The following SLC16A10 variants were observed in gnomAD, a reference collection of about 807,000 sequenced individuals.
SLC16A10 encodes the protein solute carrier family 16 member 10, also known as monocarboxylate transporter 10.
A neutral mutation model predicts 40.0 loss-of-function variants in SLC16A10; 27 were observed. The ratio of observed to expected loss-of-function variants is 0.67; its 90% CI spans 0.50 to 0.93. The LOEUF (loss-of-function observed/expected upper bound fraction) is 0.93. Ranked by LOEUF, SLC16A10 falls within the 40% of genes least tolerant of loss-of-function variation. The pLI, the probability that SLC16A10 is intolerant of heterozygous loss-of-function variation, is 0.00. For synonymous variants in SLC16A10, 213 were observed against 249.8 expected, an observed-to-expected ratio of 0.85 and a Z score of 1.39; for missense variants, 529 against 658.2, an observed-to-expected ratio of 0.80 and a Z score of 2.15.
intron 4 of SLC16A10, among the ~76,000 whole-genome samples, chr6:111,209,120 C>G (rs956926981): frequency 6.6e-6 from 1 of 151,938 alleles, no homozygotes; most frequent in African/African-American, 2.4e-5. Context: ...GGTGGGAGGA[C>G]TTTGAGCCTA....
At chr6:111,099,039 G>A (rs1771126195) in intron 1 of SLC16A10, among the ~76,000 whole-genome samples, 1 of 152,148 alleles carries the variant, frequency 6.6e-6, no homozygotes, top group African/African-American at 2.4e-5. Context: ...AAAAGGATCT[G>A]ATTTTTAATA....
chr6:111,199,686 G>T (rs1773136863), intron 3 of SLC16A10, among the ~76,000 whole-genome samples: 1 of 151,778 alleles, frequency 6.6e-6, no homozygotes, highest in Non-Finnish European at 1.5e-5. Flanking sequence ...AAAATGCAGG[G>T]TTATTTAAAC....
intron 1 of SLC16A10, among the ~76,000 whole-genome samples, chr6:111,152,736 C>G (rs993430714): frequency 6.6e-5 from 10 of 152,030 alleles, no homozygotes. Context: ...TATTGTGGAC[C>G]GAGGGGATAG....
intron 2 of SLC16A10, among the ~76,000 whole-genome samples, chr6:111,175,632 C>G (rs1772666052): frequency 1.3e-5 from 2 of 151,866 alleles, no homozygotes; most frequent in African/African-American, 4.8e-5. Context: ...CTGTTTTGTT[C>G]TGTGTTATTA....
At chr6:111,211,798 C>A (rs907016247) in intron 4 of SLC16A10, among the ~76,000 whole-genome samples, 1 of 152,168 alleles carries the variant, frequency 6.6e-6, no homozygotes, top group Non-Finnish European at 1.5e-5. Flanking sequence ...GTTTTTGATT[C>A]TTGGCTCTTC....
intron 1 of SLC16A10, among the ~76,000 whole-genome samples, chr6:111,145,443 T>C (rs1772060040): frequency 6.6e-6 from 1 of 152,168 alleles, no homozygotes; most frequent in South Asian, 2.1e-4. Flanking sequence ...TTTAAAAATA[T>C]ATTATTAAGA....
rs774556819 is a variant in SLC16A10, at chr6:111,177,217, T to C, written c.494T>C (p.Ile165Thr). The C allele has an allele frequency of 6.6e-7, 1 of 1,517,574 alleles. No homozygotes were observed. Among genetic ancestry groups the C allele is most frequent in the South Asian group, 1.4e-5 (1 of 72,976 alleles). 94.0% of individuals were successfully genotyped at this position (1,517,574 alleles called of 1,614,324 possible). ...TCTTTTTCATCTTTATACAGTTCCA[T>C]CGAGCCTCTGTACCTTACCTATGGA... ...GLMSSSFVSS[I>T]EPLYLTYGII... is the part of the protein sequence containing the mutation. Residue 165 changes from isoleucine to threonine, a missense_variant, in exon 3 of 6, where the codon ATC becomes ACC. Transcript: ENST00000368851.
At chr6:111,216,705 G>A (rs903766032) in intron 4 of SLC16A10, among the ~76,000 whole-genome samples, 9 of 151,758 alleles carry the variant, frequency 5.9e-5, no homozygotes, top group Non-Finnish European at 1.0e-4. Flanking sequence ...GTGAGCCACC[G>A]CGCCCAGCCG....
chr6:111,213,458 G>A (rs1051653913), intron 4 of SLC16A10, among the ~76,000 whole-genome samples: 30 of 152,124 alleles, frequency 2.0e-4, no homozygotes, highest in Non-Finnish European at 3.1e-4. Flanking sequence ...TTCCTCTTCC[G>A]GTTCAGGTAG....
intron 5 of SLC16A10, 26 bp from the exon 6 acceptor site, chr6:111,221,977 T>C (rs1770910569): frequency 6.3e-7 from 1 of 1,590,504 alleles, no homozygotes. Flanking sequence ...TTGTTCTCCC[T>C]TGGTGACAGC....
chr6:111,140,096 A>G (rs972077134), intron 1 of SLC16A10, among the ~76,000 whole-genome samples: 1 of 152,204 alleles, frequency 6.6e-6, no homozygotes, highest in African/African-American at 2.4e-5. Context: ...ATGTACAACA[A>G]ACCCCTGTGA....
Position 111,172,931 on chromosome 6 carries a change from T to C in SLC16A10, c.488+92T>C, listed in dbSNP as rs1583343350. 3 of 1,462,230 alleles carry C rather than the reference T, an allele frequency of 2.1e-6. No homozygotes were observed. In the East Asian group the frequency reaches 6.9e-5, roughly 33 times the overall value. The allele number at this position is 1,462,230 out of a possible 1,614,324, so 90.6% of individuals were successfully genotyped here. On this transcript the variant is annotated intron_variant, in intron 2 of 5. Transcript: ENST00000368851. Reference sequence around the variant, plus strand: ...AAACTATGCTATTTACAAGCAAAGATCCTCCTTTTCATTTTTTAAAACTTT... The same window carrying C: ...AAACTATGCTATTTACAAGCAAAGACCCTCCTTTTCATTTTTTAAAACTTT...
chr6:111,163,608 T>G (rs1772416594), intron 1 of SLC16A10, among the ~76,000 whole-genome samples: 1 of 152,228 alleles, frequency 6.6e-6, no homozygotes, highest in Non-Finnish European at 1.5e-5. Flanking sequence ...ACTAAACATG[T>G]CAGTTAATCC....
intron 3 of SLC16A10, among the ~76,000 whole-genome samples, chr6:111,203,975 T>G (rs1166657621): frequency 2.0e-5 from 3 of 152,096 alleles, no homozygotes; most frequent in Non-Finnish European, 1.5e-5. Context: ...CCTGGTAGAT[T>G]CAGTCTTTTA....
At chr6:111,184,502 G>A (rs1294766279) in intron 3 of SLC16A10, among the ~76,000 whole-genome samples, 1 of 148,760 alleles carries the variant, frequency 6.7e-6, no homozygotes, top group Non-Finnish European at 1.5e-5. Context: ...TTTTTTTTGA[G>A]ACTGAGTCTC....
At chr6:111,214,153 G>A (rs1028745317) in intron 4 of SLC16A10, among the ~76,000 whole-genome samples, 8 of 152,110 alleles carry the variant, frequency 5.3e-5, no homozygotes, top group Non-Finnish European at 4.4e-5. Flanking sequence ...TCTATAGCCT[G>A]TACTATTATA....
intron 5 of SLC16A10, among the ~76,000 whole-genome samples, chr6:111,220,037 T>TG (rs1770861258): frequency 6.6e-6 from 1 of 152,154 alleles, no homozygotes; most frequent in Non-Finnish European, 1.5e-5. Context: ...TGCAGAGCCG[T>TG]GATAGCACCA....
chr6:111,103,040 G>A (rs948805060), intron 1 of SLC16A10, among the ~76,000 whole-genome samples: 4 of 151,928 alleles, frequency 2.6e-5, no homozygotes, highest in Non-Finnish European at 4.4e-5. Context: ...TGAGTAGCTG[G>A]GACTACAAGT....
At chr6:111,178,557 GA>G (rs150694490) in intron 3 of SLC16A10, 28,489 of 271,912 alleles carry the variant, frequency 0.1, no homozygotes, top group South Asian at 0.19. Context: ...CCTGGGGAAG[GA>G]AAAAAAAAAA....
Sources: gnomAD v4.1 joint callset for allele counts (sites outside exome capture counted in the v4.1 genomes callset) on GRCh38, gnomAD v4.1.1 for gene constraint, MANE v1.5 for transcripts, NCBI Gene and HGNC (gene_info 2026-07-23, HGNC 2026-07-21) for gene names.